DAB1: variants seen among roughly 807,000 people sequenced by gnomAD.
DAB1 encodes DAB adaptor protein 1.
A neutral mutation model predicts 64.6 loss-of-function variants in DAB1; 15 were observed. That is an observed-to-expected ratio of 0.23 (90% CI 0.16 to 0.36). DAB1 has a LOEUF of 0.36. Ranked by LOEUF, DAB1 falls within the 10% of genes least tolerant of loss-of-function variation. DAB1 has a pLI of 1.00. For missense variants in DAB1, 596 were observed against 706.7 expected (o/e 0.84, Z 1.78); for synonymous variants, 235 against 251.9 (o/e 0.93, Z 0.64).
chr1:58,048,667 A>G, intron 5 of DAB1: 1 of 1,290,192 alleles, frequency 7.8e-7, no homozygotes, highest in South Asian at 1.2e-5. Flanking sequence ...TCCCACTGAA[A>G]CCACCTCCAC....
intron 5 of DAB1, among the ~76,000 whole-genome samples, chr1:57,997,665 G>A (rs1646446178): frequency 6.6e-6 from 1 of 152,092 alleles, no homozygotes; most frequent in Non-Finnish European, 1.5e-5. Context: ...GCTGAACTGG[G>A]GGTGAAGACT....
chr1:58,080,994 AGCTCATACCT>A (rs931911387), intron 5 of DAB1, among the ~76,000 whole-genome samples: 1 of 152,244 alleles, frequency 6.6e-6, no homozygotes, highest in African/African-American at 2.4e-5. Flanking sequence ...CCTGGACTCA[AGCTCATACCT>A]GCTCAGCTCC....
rs1240658918 is a variant in DAB1, at chr1:57,705,882, T to TTC, written n.552-56218_552-56217insGA. Among the ~76,000 whole-genome samples the TTC allele has an allele frequency of 2.6e-5, 4 of 151,744 alleles. No homozygotes were observed. The East Asian group carries it at 7.7e-4, about 29-fold the overall frequency. On this transcript the variant is annotated intron_variant and non_coding_transcript_variant, in intron 6 of 20. Coordinates refer to the DAB1 transcript ENST00000485760. ...ATCAATACAATACTAGGGTTTTTTT[T>TTC]TTTTTCTTTTTTTACTGCTAATGCT...
intron 4 of DAB1, among the ~76,000 whole-genome samples, chr1:57,097,019 G>A (rs1654227345): frequency 6.6e-6 from 1 of 152,126 alleles, no homozygotes; most frequent in African/African-American, 2.4e-5. Flanking sequence ...CCCCAAGAAG[G>A]CAGGGGTAAT....
chr1:57,942,070 T>A (rs1645114336), intron 5 of DAB1, among the ~76,000 whole-genome samples: 1 of 152,122 alleles, frequency 6.6e-6, no homozygotes, highest in Non-Finnish European at 1.5e-5. Context: ...GACAGATGTT[T>A]CCCAAAAGCT....
Position 58,238,074 on chromosome 1 carries a change from T to C in DAB1, n.310-87486A>G, listed in dbSNP as rs375309572. 9.2e-5 allele frequency among the ~76,000 whole-genome samples: 14 copies of C among 152,344 alleles called. 1 individual carries two copies. The East Asian group carries it at 2.1e-3, about 23-fold the overall frequency. On this transcript the variant is annotated intron_variant and non_coding_transcript_variant, in intron 4 of 20. Coordinates refer to the DAB1 transcript ENST00000485760. ...TCCTTTGGCAGTACCCCGTAATTCA[T>C]TATTGTATTCATTTGCACAAACAGT...
intron 1 of DAB1, chr1:57,866,470 A>ATTCTTT (rs1654304880): frequency 6.6e-6 from 1 of 152,114 alleles, no homozygotes; most frequent in East Asian, 1.9e-4. Flanking sequence ...GTAGTTTGTC[A>ATTCTTT]TTCTTTGAGT....
At chr1:57,767,802 C>T (rs1391048673) in intron 6 of DAB1, among the ~76,000 whole-genome samples, 2 of 151,980 alleles carry the variant, frequency 1.3e-5, no homozygotes, top group East Asian at 1.9e-4. Context: ...AAATCAATAC[C>T]CTATGCTTTA....
intron 1 of DAB1, among the ~76,000 whole-genome samples, chr1:57,401,600 G>A (rs1348890713): frequency 1.3e-5 from 2 of 151,962 alleles, no homozygotes; most frequent in Non-Finnish European, 2.9e-5. Flanking sequence ...AGATATGAAA[G>A]CATCACAGTA....
intron 1 of DAB1, among the ~76,000 whole-genome samples, chr1:57,295,288 C>T (rs987419367): frequency 1.1e-4 from 17 of 152,104 alleles, no homozygotes; most frequent in African/African-American, 3.1e-4. Flanking sequence ...ATAACACTAA[C>T]GCCACTGCAA....
chr1:57,492,649 G>C (rs79036572), intron 7 of DAB1, among the ~76,000 whole-genome samples: 4 of 152,182 alleles, frequency 2.6e-5, no homozygotes, highest in Admixed American at 2.6e-4. Context: ...GCCTAGGATA[G>C]TGAAAGGAGA....
intron 1 of DAB1, among the ~76,000 whole-genome samples, chr1:57,415,946 G>T (rs1684462544): frequency 6.6e-6 from 1 of 152,134 alleles, no homozygotes; most frequent in African/African-American, 2.4e-5. Flanking sequence ...ACTACCAGGA[G>T]AAATATATAT....
At chr1:57,156,002 C>T (rs536365576) in intron 2 of DAB1, among the ~76,000 whole-genome samples, 1 of 152,066 alleles carries the variant, frequency 6.6e-6, no homozygotes, top group East Asian at 1.9e-4. Context: ...ATTTGGATGC[C>T]CTAAGAATCA....
intron 6 of DAB1, among the ~76,000 whole-genome samples, chr1:57,754,092 G>A (rs560498278): frequency 3.3e-5 from 5 of 152,138 alleles, no homozygotes; most frequent in Non-Finnish European, 5.9e-5. Context: ...CTGAGTCCCA[G>A]GCCAGGTTCT....
At chr1:58,298,991 A>G (rs1173913880) in intron 4 of DAB1, among the ~76,000 whole-genome samples, 1 of 152,208 alleles carries the variant, frequency 6.6e-6, no homozygotes, top group African/African-American at 2.4e-5. Flanking sequence ...CCCTTGTTCT[A>G]TTCCAAAAAA....
intron 5 of DAB1, among the ~76,000 whole-genome samples, chr1:57,890,130 TG>T (rs1644288911): frequency 6.6e-6 from 1 of 152,128 alleles, no homozygotes; most frequent in Admixed American, 6.5e-5. Flanking sequence ...CTGAGAACTC[TG>T]GAGAATCTTA....
intron 4 of DAB1, chr1:58,229,096 A>G (rs1256088935): frequency 4.2e-6 from 1 of 240,282 alleles, no homozygotes; most frequent in African/African-American, 2.3e-5. Flanking sequence ...CCTCCTCGGT[A>G]CCTGGTACTA....
chr1:57,496,674 A>G (rs796236446), intron 7 of DAB1, among the ~76,000 whole-genome samples: 2 of 152,268 alleles, frequency 1.3e-5, no homozygotes, highest in African/African-American at 2.4e-5. Context: ...ATCAAATCAC[A>G]TTCATAACAA....
At chr1:57,660,544 A>G (rs1447832739) in intron 6 of DAB1, among the ~76,000 whole-genome samples, 1 of 152,236 alleles carries the variant, frequency 6.6e-6, no homozygotes, top group Non-Finnish European at 1.5e-5. Context: ...TGGAGAGATC[A>G]GCCTAGGTGA....
Sources: gnomAD v4.1 joint callset for allele counts (sites outside exome capture counted in the v4.1 genomes callset) on GRCh38, gnomAD v4.1.1 for gene constraint, MANE v1.5 for transcripts, NCBI Gene and HGNC (gene_info 2026-07-23, HGNC 2026-07-21) for gene names.